Variants in PMS1 observed in about 807,000 individuals in gnomAD.
PMS1 encodes the protein PMS1 protein homolog 1.
PMS1 carries 79 observed loss-of-function variants against 93.1 expected under a neutral mutation model. The ratio of observed to expected loss-of-function variants is 0.85; its 90% CI spans 0.71 to 1.02. The LOEUF (loss-of-function observed/expected upper bound fraction) is 1.02. PMS1 is among the 50% of genes least tolerant of loss of function. The pLI is 0.00. For synonymous variants in PMS1, 335 were observed against 363.4 expected, an observed-to-expected ratio of 0.92 and a Z score of 0.89; for missense variants, 1,064 against 1,085.3, an observed-to-expected ratio of 0.98 and a Z score of 0.28.
chr2:189,796,401 A>G (rs1424811959), intron 3 of PMS1, among the ~76,000 whole-genome samples: 1 of 152,192 alleles, frequency 6.6e-6, no homozygotes, highest in African/African-American at 2.4e-5. Context: ...TATCATTTTA[A>G]TTATTTTTAA....
At chr2:189,820,763 T>C (rs901549050) in intron 5 of PMS1, among the ~76,000 whole-genome samples, 1 of 152,338 alleles carries the variant, frequency 6.6e-6, no homozygotes, top group Admixed American at 6.5e-5. Flanking sequence ...TTGTTTTATA[T>C]TTTACAGTAA....
chr2:189,852,540 A>T, intron 6 of PMS1, 115 bp from the exon 7 acceptor site: 1 of 872,962 alleles, frequency 1.1e-6, no homozygotes, highest in Non-Finnish European at 1.9e-6. Context: ...ATGGCTTTTT[A>T]GACCTTAAGA....
rs1385146740 is a variant in PMS1, at chr2:189,854,559, TA to T, written c.1292del (p.Asn431ThrfsTer11). On this transcript the variant is annotated frameshift_variant, in exon 9 of 13. Transcript: ENST00000441310. LOFTEE classifies it high-confidence loss of function. ...HCSSEISNID[K>X]NTKNAFQDIS... ...GTAGTAGTGAAATTTCTAACATTGATAAAAACACTAAGAATGCATTTCAGGA... is the reference window on the plus strand; with the variant it reads ...GTAGTAGTGAAATTTCTAACATTGATAAAACACTAAGAATGCATTTCAGGA... 6.2e-7 allele frequency: 1 copy of T among 1,613,324 alleles called. No homozygotes were observed. The highest frequency in any genetic ancestry group is 8.5e-7 in the Non-Finnish European group (1 of 1,179,522).
At chr2:189,856,333 T>C (rs2055334236) in intron 9 of PMS1, among the ~76,000 whole-genome samples, 2 of 152,208 alleles carry the variant, frequency 1.3e-5, no homozygotes, top group South Asian at 4.1e-4. Flanking sequence ...TTGTTTATTA[T>C]TCTGAAGCAA....
intron 4 of PMS1, among the ~76,000 whole-genome samples, chr2:189,810,458 C>T (rs1415273167): frequency 1.3e-5 from 2 of 152,148 alleles, no homozygotes; most frequent in African/African-American, 4.8e-5. Context: ...GATAAAGGAA[C>T]AAGTCTTCTA....
chr2:189,814,456 C>T (rs919945624), intron 4 of PMS1, among the ~76,000 whole-genome samples: 11 of 152,060 alleles, frequency 7.2e-5, no homozygotes, highest in Non-Finnish European at 1.6e-4. Flanking sequence ...CCCCAATCTT[C>T]TTTTATTTTT....
At chr2:189,790,686 ATATATT>A (rs2048784462) in intron 1 of PMS1, among the ~76,000 whole-genome samples, 1 of 152,210 alleles carries the variant, frequency 6.6e-6, no homozygotes, top group African/African-American at 2.4e-5. Context: ...TTAGCATACT[ATATATT>A]TAATGTAGTA....
rs5743135 is a variant in PMS1, at chr2:189,854,119, A to G, written c.966+37A>G. On this transcript the variant is annotated intron_variant, in intron 8 of 12. Coordinates refer to ENST00000441310, the MANE Select transcript of PMS1 (RefSeq NM_000534.5). ...CAGATAATTTTTTCTTATGCTATTT[A>G]TAAACATATATTACTGTTTTCATAT... The G allele has an allele frequency of 5.1e-4, 743 of 1,452,056 alleles. 2 individuals carry two copies. In the African/African-American group the frequency reaches 9.6e-3, roughly 19 times the overall value. 89.9% of individuals were successfully genotyped at this position (1,452,056 alleles called of 1,614,324 possible).
rs758149651 is a variant in PMS1, at chr2:189,843,997, C to G, written c.616C>G (p.His206Asp). The change falls in exon 6 of 13, where the codon CAC becomes GAC. Residue 206 changes from histidine to aspartate, a missense_variant. Physicochemically the swap from His to Asp is moderately conservative, Grantham distance 81. Transcript: ENST00000441310. ...TTGGCAGAAAAGCAGAGTATCAGAT[C>G]ACAAGATGGCTCTCATGTCAGTTCT... The part of the protein sequence containing the change: ...VIWQKSRVSD[H>D]KMALMSVLGT... 6.2e-7 allele frequency: 1 copy of G among 1,613,968 alleles called. No homozygotes were observed. The highest frequency in any genetic ancestry group is 1.1e-5 in the South Asian group (1 of 91,076).
rs568411419 is a variant in PMS1 at position 189,830,353 on chromosome 2, GT to G, written c.582+12174del. On this transcript the variant is annotated intron_variant, in intron 5 of 12. Coordinates refer to ENST00000441310, the MANE Select transcript of PMS1 (RefSeq NM_000534.5). Reference sequence around the variant, plus strand: ...CGAGTCATGCTTCCAGCTCAGGACTGTCGCATTTGTAGTTTCTTTGCCTAGA... The same window carrying G: ...CGAGTCATGCTTCCAGCTCAGGACTGCGCATTTGTAGTTTCTTTGCCTAGA... Among the ~76,000 whole-genome samples the G allele has an allele frequency of 1.6e-3, 244 of 152,274 alleles. 1 individual carries two copies. The highest frequency in any genetic ancestry group is 5.5e-3 in the African/African-American group (229 of 41,556).
chr2:189,796,041 T>A, intron 3 of PMS1, 90 bp downstream of exon 3: 1 of 975,052 alleles, frequency 1.0e-6, no homozygotes, highest in Non-Finnish European at 1.7e-6. Context: ...AGTATGGTTT[T>A]AATTATTTTT....
rs2051479825 is a variant in PMS1, at chr2:189,818,037, A to C, written c.439A>C (p.Arg147=). The part of the protein sequence containing the change: ...LGQGTTVTAL[R]LFKNLPVRKQ... ...AACAGGTACAACTGTAACTGCTTTAAGATTATTTAAGAATCTACCTGTAAG... is the reference window on the plus strand; with the variant it reads ...AACAGGTACAACTGTAACTGCTTTACGATTATTTAAGAATCTACCTGTAAG... Residue 147 remains arginine (R), a synonymous_variant, in exon 5 of 13, where the codon AGA becomes CGA. Transcript: ENST00000441310. 1.9e-6 allele frequency: 3 copies of C among 1,610,240 alleles called. No individual in the cohort carries two copies. Among genetic ancestry groups the C allele is most frequent in the African/African-American group, 2.7e-5 (2 of 74,980 alleles).
chr2:189,840,772 A>T (rs1326202294), intron 5 of PMS1, among the ~76,000 whole-genome samples: 1 of 152,232 alleles, frequency 6.6e-6, no homozygotes, highest in African/African-American at 2.4e-5. Flanking sequence ...AGACTTTAGG[A>T]TGCTAGAATA....
intron 3 of PMS1, among the ~76,000 whole-genome samples, chr2:189,798,757 A>ATTTTTTT (rs757864750): frequency 7.5e-5 from 6 of 79,926 alleles, no homozygotes; most frequent in Non-Finnish European, 1.0e-4. Flanking sequence ...TAAGTATTTG[A>ATTTTTTT]TTTTTTTTTT....
chr2:189,827,298 A>G (rs984475773), intron 5 of PMS1, among the ~76,000 whole-genome samples: 6 of 152,216 alleles, frequency 3.9e-5, no homozygotes, highest in Admixed American at 6.5e-5. Flanking sequence ...CTTCCAAACA[A>G]TAATACCCAG....
At chr2:189,795,106 A>AT (rs915073817) in intron 2 of PMS1, among the ~76,000 whole-genome samples, 2 of 151,824 alleles carry the variant, frequency 1.3e-5, no homozygotes, top group African/African-American at 4.8e-5. Context: ...AAAAGTCTTG[A>AT]TTTTTTTTCA....
chr2:189,862,977 A>T (rs1363721949), intron 9 of PMS1, among the ~76,000 whole-genome samples: 3 of 152,208 alleles, frequency 2.0e-5, no homozygotes, highest in Non-Finnish European at 2.9e-5. Flanking sequence ...TTCTGGAAGC[A>T]GACAGCTCTG....
At position 189,854,698 on chromosome 2, in the gene PMS1, G is replaced by T; in HGVS notation, c.1426G>T (p.Asp476Tyr). Residue 476 changes from aspartate to tyrosine, a missense_variant, in exon 9 of 13, where the codon GAT becomes TAT. By Grantham distance (160) the Asp-to-Tyr change is radical. Coordinates refer to ENST00000441310, the MANE Select transcript of PMS1 (RefSeq NM_000534.5). ...AGAAAATGGCAATAAAGACCATATA[G>T]ATGAGAGTGGGGAAAATGAGGAAGA... is the stretch of plus-strand genomic sequence containing the variant. Reference protein sequence around the residue: ...QSENGNKDHIDESGENEEEAG... With the variant: ...QSENGNKDHIYESGENEEEAG... 1 of 1,613,922 alleles carries T rather than the reference G, an allele frequency of 6.2e-7. No homozygotes were observed.
At chr2:189,795,301 A>T (rs181338610) in intron 2 of PMS1, among the ~76,000 whole-genome samples, 1 of 152,228 alleles carries the variant, frequency 6.6e-6, no homozygotes, top group African/African-American at 2.4e-5. Flanking sequence ...AAAACAAAAA[A>T]CAAAATAAAT....
Sources: gnomAD v4.1 joint callset for allele counts (sites outside exome capture counted in the v4.1 genomes callset) on GRCh38, gnomAD v4.1.1 for gene constraint, MANE v1.5 for transcripts, NCBI Gene and HGNC (gene_info 2026-07-23, HGNC 2026-07-21) for gene names.